Variants in GSG1L observed in about 807,000 individuals in gnomAD.
GSG1L encodes the protein GSG1 like.
Under a neutral mutation model 42.1 loss-of-function variants are expected in GSG1L, and 24 were observed. The ratio of observed to expected loss-of-function variants is 0.57; its 90% CI spans 0.41 to 0.80. The LOEUF (loss-of-function observed/expected upper bound fraction) is 0.80. GSG1L is among the 30% of genes least tolerant of loss of function. GSG1L has a pLI of 0.00. For synonymous variants in GSG1L, 215 were observed against 203.5 expected (o/e 1.06, Z -0.48); for missense variants, 445 against 472.2 (o/e 0.94, Z 0.53).
At chr16:27,910,910 G>A (rs964253189) in intron 2 of GSG1L, among the ~76,000 whole-genome samples, 5 of 152,298 alleles carry the variant, frequency 3.3e-5, no homozygotes, top group East Asian at 1.9e-4. Context: ...CAACTCGGGA[G>A]GCTGAGGCAG....
chr16:27,822,359 C>A (rs2083159981), intron 5 of GSG1L, among the ~76,000 whole-genome samples: 1 of 152,162 alleles, frequency 6.6e-6, no homozygotes, highest in Admixed American at 6.6e-5. Flanking sequence ...ACAGTGTCTG[C>A]AACAGGAGGC....
intron 2 of GSG1L, among the ~76,000 whole-genome samples, chr16:27,947,015 G>A (rs528513080): frequency 2.0e-5 from 3 of 152,184 alleles, no homozygotes; most frequent in South Asian, 4.1e-4. Flanking sequence ...TCAACAGCAC[G>A]CCTGAGGCCC....
At chr16:27,821,835 C>T (rs2083153839) in intron 5 of GSG1L, among the ~76,000 whole-genome samples, 1 of 152,118 alleles carries the variant, frequency 6.6e-6, no homozygotes, top group Admixed American at 6.5e-5. Flanking sequence ...ACCCAGGAGG[C>T]AGAGCTTGCA....
At chr16:27,821,088 C>T (rs1262115563) in intron 5 of GSG1L, among the ~76,000 whole-genome samples, 1 of 152,076 alleles carries the variant, frequency 6.6e-6, no homozygotes, top group Non-Finnish European at 1.5e-5. Flanking sequence ...TCCTATACCT[C>T]CCACTGGGAC....
At chr16:28,048,749 C>T (rs7203812) in intron 1 of GSG1L, among the ~76,000 whole-genome samples, 15 of 152,156 alleles carry the variant, frequency 9.9e-5, no homozygotes, top group African/African-American at 3.6e-4. Flanking sequence ...CAGAGGCAAA[C>T]TCATAGCATT....
At chr16:27,964,280 C>T (rs1351157494) in intron 1 of GSG1L, among the ~76,000 whole-genome samples, 1 of 150,138 alleles carries the variant, frequency 6.7e-6, no homozygotes, top group African/African-American at 2.5e-5. Context: ...GCCAAGATCA[C>T]ACCACTGCAC....
At chr16:27,895,613 C>T (rs143494530) in intron 2 of GSG1L, among the ~76,000 whole-genome samples, 85 of 152,268 alleles carry the variant, frequency 5.6e-4, no homozygotes, top group Non-Finnish European at 8.8e-4. Flanking sequence ...TCAGCTCAGA[C>T]GCCTGAATTG....
intron 1 of GSG1L, among the ~76,000 whole-genome samples, chr16:27,997,013 C>T (rs1333670308): frequency 6.6e-6 from 1 of 152,152 alleles, no homozygotes; most frequent in African/African-American, 2.4e-5. Context: ...CCACCCACCT[C>T]GGCCTCCCAA....
At chr16:27,943,615 C>T (rs2084827958) in intron 2 of GSG1L, among the ~76,000 whole-genome samples, 2 of 120,376 alleles carry the variant, frequency 1.7e-5, no homozygotes, top group South Asian at 5.8e-4. Flanking sequence ...TGCTGTGTCA[C>T]CCAGACTGAA....
At chr16:27,886,645 G>T (rs12922917) in intron 2 of GSG1L, among the ~76,000 whole-genome samples, 1 of 152,178 alleles carries the variant, frequency 6.6e-6, no homozygotes, top group Non-Finnish European at 1.5e-5. Flanking sequence ...GGCTCTTGAC[G>T]AGGTCAAGGC....
At chr16:27,846,951 C>T (rs866222394) in intron 3 of GSG1L, among the ~76,000 whole-genome samples, 5 of 101,398 alleles carry the variant, frequency 4.9e-5, no homozygotes, top group Non-Finnish European at 5.8e-5. Flanking sequence ...AGGGAGACTC[C>T]GTCTCAAAAA....
intron 2 of GSG1L, among the ~76,000 whole-genome samples, chr16:27,886,951 C>CT (rs569919383): frequency 3.6e-4 from 53 of 149,262 alleles, no homozygotes; most frequent in South Asian, 6.4e-4. Context: ...CTCTTTCTTT[C>CT]TTTTTTTTTT....
At chr16:27,914,289 C>T (rs532506398) in intron 2 of GSG1L, among the ~76,000 whole-genome samples, 86 of 152,042 alleles carry the variant, frequency 5.7e-4, no homozygotes, top group African/African-American at 2.1e-3. Flanking sequence ...AGACTGGAAA[C>T]AATATGAATG....
At chr16:28,051,532 C>A (rs971456518) in intron 1 of GSG1L, among the ~76,000 whole-genome samples, 1 of 147,610 alleles carries the variant, frequency 6.8e-6, no homozygotes, top group Admixed American at 6.8e-5. Flanking sequence ...AAACAAGCTG[C>A]GTAGTGGAAT....
At chr16:28,038,293 C>G (rs549816357) in intron 1 of GSG1L, among the ~76,000 whole-genome samples, 1 of 152,192 alleles carries the variant, frequency 6.6e-6, no homozygotes, top group African/African-American at 2.4e-5. Context: ...TGATCCCCCC[C>G]CAAATAACCC....
chr16:28,024,911 G>A (rs924444224), intron 1 of GSG1L, among the ~76,000 whole-genome samples: 7 of 152,194 alleles, frequency 4.6e-5, no homozygotes, highest in Non-Finnish European at 8.8e-5. Flanking sequence ...ATTTACCAAA[G>A]TTCCCTGTGT....
intron 1 of GSG1L, among the ~76,000 whole-genome samples, chr16:28,010,019 C>A (rs1024004106): frequency 2.6e-5 from 4 of 152,146 alleles, no homozygotes; most frequent in Non-Finnish European, 5.9e-5. Context: ...CACACACACA[C>A]GCTTGCAAGG....
intron 2 of GSG1L, among the ~76,000 whole-genome samples, chr16:27,906,642 C>T (rs2084324210): frequency 1.3e-5 from 2 of 152,310 alleles, no homozygotes; most frequent in Middle Eastern, 3.4e-3. Context: ...ACTCAGGTCT[C>T]AGTTCAAATG....
intron 3 of GSG1L, among the ~76,000 whole-genome samples, chr16:27,876,627 C>T (rs1000802750): frequency 1.3e-5 from 2 of 152,214 alleles, no homozygotes; most frequent in Non-Finnish European, 2.9e-5. Flanking sequence ...ACTGTGCCTG[C>T]TCACAACCTA....
Sources: gnomAD v4.1 joint callset for allele counts (sites outside exome capture counted in the v4.1 genomes callset) on GRCh38, gnomAD v4.1.1 for gene constraint, MANE v1.5 for transcripts, NCBI Gene and HGNC (gene_info 2026-07-23, HGNC 2026-07-21) for gene names.